DOK6: variants seen among roughly 807,000 people sequenced by gnomAD.
The protein encoded by DOK6 is docking protein 6.
A neutral mutation model predicts 44.0 loss-of-function variants in DOK6; 22 were observed. The observed-to-expected ratio is 0.50, with a 90% CI of 0.36 to 0.71. The LOEUF (loss-of-function observed/expected upper bound fraction) is 0.71. Ranked by LOEUF, DOK6 falls within the 30% of genes least tolerant of loss-of-function variation. The pLI, the probability that DOK6 is intolerant of heterozygous loss-of-function variation, is 0.00. For synonymous variants in DOK6, 166 were observed against 145.5 expected (o/e 1.14, Z -1.01); for missense variants, 340 against 416.4 (o/e 0.82, Z 1.60).
At chr18:69,401,917 T>C (rs1489158463) in intron 1 of DOK6, among the ~76,000 whole-genome samples, 2 of 152,190 alleles carry the variant, frequency 1.3e-5, no homozygotes, top group African/African-American at 4.8e-5. Flanking sequence ...CCGCCCGCGG[T>C]CACTGCTCCG....
intron 1 of DOK6, among the ~76,000 whole-genome samples, chr18:69,470,640 T>G (rs1293321439): frequency 1.4e-5 from 2 of 146,352 alleles, no homozygotes; most frequent in Non-Finnish European, 3.0e-5. Flanking sequence ...GACTCTCTGC[T>G]TAGTATCCAG....
At chr18:69,456,990 G>A (rs1979650054) in intron 1 of DOK6, among the ~76,000 whole-genome samples, 1 of 151,938 alleles carries the variant, frequency 6.6e-6, no homozygotes, top group Non-Finnish European at 1.5e-5. Flanking sequence ...TTTTTAATGG[G>A]GTTATTTGAT....
At chr18:69,665,133 A>G (rs1568326867) in intron 3 of DOK6, among the ~76,000 whole-genome samples, 1 of 152,008 alleles carries the variant, frequency 6.6e-6, no homozygotes, top group Non-Finnish European at 1.5e-5. Context: ...GTGAGCCGAG[A>G]TTGTGCCACT....
At chr18:69,655,761 C>CAAAAAAAAAAAAAAAA (rs74175379) in intron 3 of DOK6, among the ~76,000 whole-genome samples, 3 of 43,202 alleles carry the variant, frequency 6.9e-5, no homozygotes, top group African/African-American at 2.1e-4. Context: ...CCCCACCCCT[C>CAAAAAAAAAAAAAAAA]AAAAAAAAAA....
chr18:69,805,977 G>T, intron 7 of DOK6, among the ~76,000 whole-genome samples: 1 of 151,696 alleles, frequency 6.6e-6, no homozygotes, highest in Non-Finnish European at 1.5e-5. Flanking sequence ...TATGCATATG[G>T]GAAGTACATG....
At chr18:69,737,274 C>A (rs968111634) in intron 5 of DOK6, among the ~76,000 whole-genome samples, 1 of 152,186 alleles carries the variant, frequency 6.6e-6, no homozygotes, top group African/African-American at 2.4e-5. Context: ...ACCATCATGG[C>A]AGAAGGTGAA....
Position 69,540,786 on chromosome 18 carries a change from A to C in DOK6, c.67-23701A>C, listed in dbSNP as rs554598674. Among the ~76,000 whole-genome samples the C allele has an allele frequency of 2.2e-4, 34 of 152,288 alleles. No homozygotes were observed. The South Asian group carries it at 7.0e-3, about 32-fold the overall frequency. Reference sequence around the variant, plus strand: ...TTTGTTATAGATTCAAGTTGATTCTATTGGGCTTTTAAATATATAGGCATT... The same window carrying C: ...TTTGTTATAGATTCAAGTTGATTCTCTTGGGCTTTTAAATATATAGGCATT... On this transcript the variant is annotated intron_variant, in intron 1 of 7. Transcript: ENST00000382713.
chr18:69,771,335 A>T (rs548076935), intron 7 of DOK6, among the ~76,000 whole-genome samples: 2 of 152,088 alleles, frequency 1.3e-5, no homozygotes, highest in African/African-American at 4.8e-5. Context: ...ATTCTGGTAG[A>T]ATTGAAACAA....
intron 3 of DOK6, among the ~76,000 whole-genome samples, chr18:69,652,020 G>T (rs1985243054): frequency 6.6e-6 from 1 of 152,152 alleles, no homozygotes; most frequent in African/African-American, 2.4e-5. Context: ...TAGTGTCCTT[G>T]TGCTTCTCTC....
chr18:69,797,415 A>G (rs1980777727), intron 7 of DOK6, among the ~76,000 whole-genome samples: 1 of 152,168 alleles, frequency 6.6e-6, no homozygotes, highest in Admixed American at 6.6e-5. Flanking sequence ...ATTAACCTTT[A>G]CAAAATACCC....
At chr18:69,759,827 C>T (rs933813496) in intron 7 of DOK6, among the ~76,000 whole-genome samples, 11 of 152,094 alleles carry the variant, frequency 7.2e-5, no homozygotes, top group African/African-American at 2.4e-4. Flanking sequence ...CTCAGTATTT[C>T]ATGTTTCTCT....
At chr18:69,491,570 T>A (rs1449904518) in intron 1 of DOK6, among the ~76,000 whole-genome samples, 2 of 152,238 alleles carry the variant, frequency 1.3e-5, no homozygotes, top group Admixed American at 6.5e-5. Context: ...TTGTATTATA[T>A]GTCCTATGTA....
chr18:69,521,436 T>G (rs910867572), intron 1 of DOK6, among the ~76,000 whole-genome samples: 1 of 129,140 alleles, frequency 7.7e-6, no homozygotes, highest in African/African-American at 2.8e-5. Context: ...CCTTAAATTT[T>G]ACAGTCATTT....
intron 6 of DOK6, among the ~76,000 whole-genome samples, chr18:69,742,457 T>G (rs1978837506): frequency 1.3e-5 from 2 of 151,380 alleles, no homozygotes; most frequent in Non-Finnish European, 2.9e-5. Context: ...TTTATCAACA[T>G]TGTGAGAAAA....
At chr18:69,740,597 A>AC (rs1274075930) in intron 6 of DOK6, among the ~76,000 whole-genome samples, 2 of 152,198 alleles carry the variant, frequency 1.3e-5, no homozygotes, top group Non-Finnish European at 2.9e-5. Flanking sequence ...AAAGAAGAGT[A>AC]CCCCGTTGGT....
At chr18:69,401,913 G>A (rs772355831) in intron 1 of DOK6, among the ~76,000 whole-genome samples, 9 of 152,180 alleles carry the variant, frequency 5.9e-5, no homozygotes, top group Non-Finnish European at 1.2e-4. Context: ...GCGCCCGCCC[G>A]CGGTCACTGC....
intron 6 of DOK6, among the ~76,000 whole-genome samples, chr18:69,757,477 C>T (rs906498397): frequency 4.6e-5 from 7 of 152,162 alleles, no homozygotes; most frequent in Non-Finnish European, 8.8e-5. Context: ...TGATCATGCC[C>T]TGAGTGTTTG....
rs532561600 is a variant in DOK6 at position 69,513,149 on chromosome 18, T to A, written c.67-51338T>A. Among the ~76,000 whole-genome samples the A allele has an allele frequency of 1.8e-4, 28 of 152,364 alleles. 1 individual carries two copies. In the South Asian group the frequency reaches 5.8e-3, roughly 32 times the overall value. ...CTAAATGTAATGCATGTTAGTTCAA[T>A]ACTTTATGTTTTACCAATTAATGTA... On this transcript the variant is annotated intron_variant, in intron 1 of 7. Coordinates refer to ENST00000382713, the MANE Select transcript of DOK6 (RefSeq NM_152721.6).
At chr18:69,649,505 G>A (rs867640177) in intron 3 of DOK6, among the ~76,000 whole-genome samples, 4 of 152,230 alleles carry the variant, frequency 2.6e-5, no homozygotes, top group South Asian at 2.1e-4. Flanking sequence ...ATAAATGAAC[G>A]TAATTTATCA....
Sources: allele counts gnomAD v4.1 joint callset (sites outside exome capture counted in the v4.1 genomes callset), GRCh38; gene constraint gnomAD v4.1.1; transcripts MANE v1.5; gene names NCBI Gene and HGNC (gene_info 2026-07-23, HGNC 2026-07-21).